The following COPG2 variants were observed in gnomAD, a reference collection of about 807,000 sequenced individuals.
COPG2 encodes the protein coatomer subunit gamma-2.
A neutral mutation model predicts 46.3 loss-of-function variants in COPG2; 37 were observed. That is an observed-to-expected ratio of 0.80 (90% CI 0.61 to 1.05). COPG2 has a LOEUF of 1.05. Among genes scored for constraint, COPG2 ranks in the 50% least tolerant of loss-of-function variants. The probability of loss-of-function intolerance (pLI) is 0.00; values close to 1 mark genes in which losing one functional copy is unlikely to be tolerated. For missense variants in COPG2, 427 were observed against 387.8 expected, an observed-to-expected ratio of 1.10 and a Z score of -0.85; for synonymous variants, 159 against 129.7, an observed-to-expected ratio of 1.23 and a Z score of -1.53.
intron 5 of COPG2, among the ~76,000 whole-genome samples, chr7:130,652,039 G>A (rs1035194750): frequency 2.6e-5 from 4 of 152,258 alleles, no homozygotes; most frequent in Non-Finnish European, 5.9e-5. Flanking sequence ...ATTTATATCA[G>A]ATGTTTCAAA....
At chr7:130,534,203 A>G (rs912681545) in intron 20 of COPG2, among the ~76,000 whole-genome samples, 4 of 152,156 alleles carry the variant, frequency 2.6e-5, no homozygotes, top group Non-Finnish European at 5.9e-5. Flanking sequence ...AATGGGGGAA[A>G]GGGCCAAAGT....
intron 9 of COPG2, among the ~76,000 whole-genome samples, chr7:130,566,972 A>G (rs900174491): frequency 9.2e-5 from 14 of 152,208 alleles, no homozygotes; most frequent in African/African-American, 3.4e-4. Flanking sequence ...TACACACAAT[A>G]GCAAAGACAT....
chr7:130,521,541 A>G (rs1417263214), intron 20 of COPG2, among the ~76,000 whole-genome samples: 1 of 152,242 alleles, frequency 6.6e-6, no homozygotes, highest in Non-Finnish European at 1.5e-5. Flanking sequence ...GCAGAAAAAG[A>G]AAAACAACAG....
At chr7:130,576,577 A>G (rs1179840438) in intron 9 of COPG2, among the ~76,000 whole-genome samples, 1 of 152,218 alleles carries the variant, frequency 6.6e-6, no homozygotes, top group Admixed American at 6.5e-5. Context: ...TGCTAAGAGG[A>G]AAGTTCATAG....
At chr7:130,507,607 T>C in intron 22 of COPG2, 78 bp downstream of exon 22, 1 of 684,426 alleles carries the variant, frequency 1.5e-6, no homozygotes, top group Non-Finnish European at 2.7e-6. Context: ...TTTAAAGGAG[T>C]TCTTCTGGAG....
At chr7:130,552,252 TCTTAGGG>T in intron 15 of COPG2, 96 bp downstream of exon 15, 1 of 394,702 alleles carries the variant, frequency 2.5e-6, no homozygotes, top group Non-Finnish European at 4.5e-6. Flanking sequence ...ATAACTCTAC[TCTTAGGG>T]CTTAGAGTGC....
At chr7:130,609,485 T>TA (rs1794799930) in intron 9 of COPG2, among the ~76,000 whole-genome samples, 1 of 152,334 alleles carries the variant, frequency 6.6e-6, no homozygotes, top group African/African-American at 2.4e-5. Context: ...CGTGGAATTG[T>TA]AAGTCCATTA....
intron 5 of COPG2, among the ~76,000 whole-genome samples, chr7:130,617,929 C>T (rs1794976687): frequency 6.6e-6 from 1 of 151,620 alleles, no homozygotes; most frequent in Admixed American, 6.6e-5. Context: ...GACTAAACCC[C>T]ATCTCTACAG....
intron 5 of COPG2, 119 bp downstream of exon 5, chr7:130,652,750 T>C (rs1382331527): frequency 3.3e-5 from 23 of 698,018 alleles, no homozygotes; most frequent in African/African-American, 2.9e-4. Context: ...AAAGAATGCT[T>C]TAAGATATTA....
chr7:130,640,158 C>CTT (rs11431866), intron 5 of COPG2, among the ~76,000 whole-genome samples: 2,987 of 96,596 alleles, frequency 0.031, 158 homozygotes, highest in Non-Finnish European at 0.039. Context: ...CACCACCAAC[C>CTT]TTTTTTTTTT....
chr7:130,513,304 AAAAAATATATATATAT>A (rs1320150993), intron 20 of COPG2, among the ~76,000 whole-genome samples: 50 of 48,474 alleles, frequency 1.0e-3, no homozygotes, highest in African/African-American at 3.6e-3. Flanking sequence ...AAAAAAAAAA[AAAAAATATATATATAT>A]ATATATATAT....
rs141115188 is a variant in COPG2 at position 130,633,516 on chromosome 7, T to C, written c.324-16451A>G. Among the ~76,000 whole-genome samples the C allele has an allele frequency of 7.0e-3, 1,057 of 151,100 alleles. 12 individuals are homozygous for C. Among genetic ancestry groups the C allele is most frequent in the African/African-American group, 0.024 (1,002 of 41,428 alleles). The stretch of plus-strand genomic sequence containing the variant: ...ACCAGTGATGATGAGCTTTATTTCA[T>C]AATCTCTTCTTTTGAGAAGTGTCTG... On this transcript the variant is annotated intron_variant, in intron 5 of 23. Coordinates refer to ENST00000425248, the MANE Select transcript of COPG2 (RefSeq NM_012133.6).
At chr7:130,628,426 C>T (rs1795160389) in intron 5 of COPG2, among the ~76,000 whole-genome samples, 1 of 152,020 alleles carries the variant, frequency 6.6e-6, no homozygotes, top group South Asian at 2.1e-4. Context: ...CTAAGAGTAT[C>T]ACTTCATGGC....
chr7:130,568,671 A>C (rs1183492256), intron 9 of COPG2, among the ~76,000 whole-genome samples: 3 of 152,202 alleles, frequency 2.0e-5, no homozygotes, highest in African/African-American at 7.2e-5. Flanking sequence ...AAAGTCAACA[A>C]AGAAACAACG....
intron 9 of COPG2, among the ~76,000 whole-genome samples, chr7:130,584,598 G>T (rs1794227749): frequency 6.6e-6 from 1 of 151,934 alleles, no homozygotes; most frequent in African/African-American, 2.4e-5. Flanking sequence ...ACTGATACAA[G>T]AATTCAGCAA....
In COPG2 at chr7:130,640,158, C is replaced by CTTT. The variant is rs11431866; in HGVS notation, c.323+12708_323+12710dup. On this transcript the variant is annotated intron_variant, in intron 5 of 23. Coordinates refer to ENST00000425248, the MANE Select transcript of COPG2 (RefSeq NM_012133.6). ...TCTCCAGCTTGCAGTCACCACCAAC[C>CTTT]TTTTTTTTTTTTTTTTTTTTTTTGT... Among the ~76,000 whole-genome samples, 141 of 96,506 alleles carry CTTT rather than the reference C, an allele frequency of 1.5e-3. 3 individuals carry two copies. The highest frequency in any genetic ancestry group is 1.9e-3 in the Non-Finnish European group (95 of 51,156). The allele number at this position is 96,506 out of a possible 152,430, so 63.3% of individuals were successfully genotyped here.
intron 5 of COPG2, among the ~76,000 whole-genome samples, chr7:130,624,517 C>T (rs943313769): frequency 2.6e-5 from 4 of 152,062 alleles, no homozygotes; most frequent in Admixed American, 1.3e-4. Flanking sequence ...GCACCCATCA[C>T]CCAAGCAGTG....
At position 130,618,343 on chromosome 7, in the gene COPG2, T is replaced by G. The variant is rs1302500537; in HGVS notation, c.324-1278A>C. 2.0e-5 allele frequency among the ~76,000 whole-genome samples: 3 copies of G among 152,254 alleles called. No homozygotes were observed. The East Asian group carries it at 5.8e-4, about 29-fold the overall frequency. On this transcript the variant is annotated intron_variant, in intron 5 of 23. Transcript: ENST00000425248. ...ATTTTCCTCTGACCATAGCTTTAGT[T>G]GAACTCATAGGTTTTCATCATTAGA...
At chr7:130,662,512 G>A (rs1431337578) in intron 4 of COPG2, among the ~76,000 whole-genome samples, 1 of 152,192 alleles carries the variant, frequency 6.6e-6, no homozygotes, top group Non-Finnish European at 1.5e-5. Flanking sequence ...GGTGGCCTAA[G>A]GTAATGAGAG....
Sources: gnomAD v4.1 joint callset for allele counts (sites outside exome capture counted in the v4.1 genomes callset) on GRCh38, gnomAD v4.1.1 for gene constraint, MANE v1.5 for transcripts, NCBI Gene and HGNC (gene_info 2026-07-23, HGNC 2026-07-21) for gene names.